Variants in MAPDA observed in about 807,000 individuals in gnomAD.
The protein encoded by MAPDA is N6,N6-dimethyl-AMP deaminase.
the MAPDA span, chr15:43,346,976 A>G: frequency 1.3e-6 from 2 of 1,543,144 alleles, no homozygotes; most frequent in Non-Finnish European, 1.8e-6. Context: ...CAGTTTTCCC[A>G]GAATTCTCAT....
chr15:43,335,083 G>A, the MAPDA span: 21 of 1,611,436 alleles, frequency 1.3e-5, 1 homozygote, highest in Middle Eastern at 5.0e-4. Context: ...TAAGAGTGGA[G>A]AAGAATCATT....
chr15:43,330,574 G>T, the MAPDA span: 1 of 1,434,532 alleles, frequency 7.0e-7, no homozygotes, highest in Non-Finnish European at 9.2e-7. Context: ...CTCGGTAGGG[G>T]GAAAAAAACC....
the MAPDA span, chr15:43,340,407 A>G: frequency 6.9e-7 from 1 of 1,452,684 alleles, no homozygotes; most frequent in Non-Finnish European, 9.6e-7. Context: ...TGCTTTGATC[A>G]CTCACATGTT....
At chr15:43,337,092 C>T in the MAPDA span, among the ~76,000 whole-genome samples, 4 of 150,566 alleles carry the variant, frequency 2.7e-5, no homozygotes, top group Non-Finnish European at 5.9e-5. Flanking sequence ...CACGGTGAAA[C>T]CCTGTCTCTA....
chr15:43,338,517 A>G, the MAPDA span, among the ~76,000 whole-genome samples: 1 of 152,384 alleles, frequency 6.6e-6, no homozygotes, highest in Non-Finnish European at 1.5e-5. Context: ...TCACACACAC[A>G]GAGTAAGTGG....
chr15:43,333,904 A>C, the MAPDA span, among the ~76,000 whole-genome samples: 3 of 152,250 alleles, frequency 2.0e-5, no homozygotes, highest in African/African-American at 7.2e-5. Flanking sequence ...ATCTTCACTT[A>C]TAAACCACTT....
the MAPDA span, chr15:43,342,860 G>A: frequency 8.5e-6 from 5 of 591,682 alleles, no homozygotes; most frequent in African/African-American, 3.9e-5. Flanking sequence ...TAAGGGCCAT[G>A]TTTTCACTCA....
At chr15:43,351,219 G>A in the MAPDA span, 16 of 579,506 alleles carry the variant, frequency 2.8e-5, no homozygotes, top group African/African-American at 1.5e-4. Flanking sequence ...CCAGCTACTC[G>A]GGAGACTAAG....
the MAPDA span, chr15:43,353,260 AG>A: frequency 6.8e-6 from 1 of 146,718 alleles, no homozygotes; most frequent in Non-Finnish European, 1.5e-5. Flanking sequence ...AAACTAAGAT[AG>A]TTCTGAAAGG....
the MAPDA span, among the ~76,000 whole-genome samples, chr15:43,346,424 T>C: frequency 6.6e-6 from 1 of 152,202 alleles, no homozygotes; most frequent in Non-Finnish European, 1.5e-5. Flanking sequence ...GTTGTGGGGC[T>C]GCCCCATGCA....
At chr15:43,335,871 A>G in the MAPDA span, 1 of 1,581,272 alleles carries the variant, frequency 6.3e-7, no homozygotes, top group Non-Finnish European at 8.6e-7. Flanking sequence ...TTTCTCTATC[A>G]GTATTTTGAG....
the MAPDA span, chr15:43,348,998 G>A: frequency 6.2e-7 from 1 of 1,614,158 alleles, no homozygotes; most frequent in East Asian, 2.2e-5. Context: ...GGTGAGGGAG[G>A]ATCCCTGGAT....
chr15:43,344,337 CATT>C, the MAPDA span, among the ~76,000 whole-genome samples: 3 of 151,774 alleles, frequency 2.0e-5, no homozygotes, highest in East Asian at 1.9e-4. Context: ...TATTTTCTAA[CATT>C]ATTTTAATGG....
chr15:43,330,547 G>T, the MAPDA span: 2 of 1,495,328 alleles, frequency 1.3e-6, no homozygotes, highest in Non-Finnish European at 8.9e-7. Context: ...CCCTTGGTTA[G>T]CACACACCTC....
At chr15:43,348,521 A>G in the MAPDA span, among the ~76,000 whole-genome samples, 30 of 152,222 alleles carry the variant, frequency 2.0e-4, no homozygotes, top group Non-Finnish European at 2.9e-4. Flanking sequence ...TATAATATAT[A>G]TGAACACATG....
At chr15:43,340,970 C>T in the MAPDA span, among the ~76,000 whole-genome samples, 4 of 152,166 alleles carry the variant, frequency 2.6e-5, no homozygotes, top group Admixed American at 6.5e-5. Context: ...GTTATTCATT[C>T]GCTTCTCAGG....
chr15:43,335,111 A>G, the MAPDA span: 6 of 1,613,790 alleles, frequency 3.7e-6, no homozygotes, highest in Admixed American at 1.7e-5. Flanking sequence ...TGCTAAAATG[A>G]TAGAGGCAGA....
At chr15:43,351,693 G>A in the MAPDA span, 1 of 1,460,080 alleles carries the variant, frequency 6.8e-7, no homozygotes, top group Non-Finnish European at 9.1e-7. Flanking sequence ...CAAAAAGATG[G>A]TTGTTTTTGA....
At chr15:43,342,045 G>A in the MAPDA span, among the ~76,000 whole-genome samples, 1 of 151,970 alleles carries the variant, frequency 6.6e-6, no homozygotes, top group Admixed American at 6.6e-5. Flanking sequence ...CACCATGTTG[G>A]CCAGGGTGGT....
Sources: gnomAD v4.1 joint callset for allele counts (sites outside exome capture counted in the v4.1 genomes callset) on GRCh38, gnomAD v4.1.1 for gene constraint, MANE v1.5 for transcripts, NCBI Gene and HGNC (gene_info 2026-07-23, HGNC 2026-07-21) for gene names.